CACUL1: variants seen among roughly 807,000 people sequenced by gnomAD.
CACUL1 encodes the protein CDK2 associated cullin domain 1.
In CACUL1, 13 loss-of-function variants were observed where a neutral mutation model predicts 45.2. That is an observed-to-expected ratio of 0.29 (90% CI 0.19 to 0.46). CACUL1 has a LOEUF of 0.46. CACUL1 is among the 20% of genes least tolerant of loss of function. The pLI, the probability that CACUL1 is intolerant of heterozygous loss-of-function variation, is 1.00. For synonymous variants in CACUL1, 197 were observed against 174.2 expected (o/e 1.13, Z -1.03); for missense variants, 421 against 471.4 (o/e 0.89, Z 0.99).
chr10:118,699,838 C>T (rs903639140), intron 5 of CACUL1, among the ~76,000 whole-genome samples: 1 of 151,830 alleles, frequency 6.6e-6, no homozygotes, highest in South Asian at 2.1e-4. Flanking sequence ...TCAGTAGAGA[C>T]GGGGTTTCAC....
At chr10:118,718,652 T>C (rs1845570096) in intron 3 of CACUL1, among the ~76,000 whole-genome samples, 1 of 152,210 alleles carries the variant, frequency 6.6e-6, no homozygotes, top group Non-Finnish European at 1.5e-5. Context: ...CTCGGCTCAC[T>C]GCAAGCTCCA....
At chr10:118,699,611 C>T (rs2119570681) in intron 5 of CACUL1, among the ~76,000 whole-genome samples, 1 of 151,802 alleles carries the variant, frequency 6.6e-6, no homozygotes, top group East Asian at 1.9e-4. Context: ...TCAGGAAATA[C>T]TTAAGTGGTT....
chr10:118,728,145 G>A (rs935262468), intron 3 of CACUL1, among the ~76,000 whole-genome samples: 2 of 151,962 alleles, frequency 1.3e-5, no homozygotes, highest in Admixed American at 6.6e-5. Flanking sequence ...ACAACTGTTT[G>A]GGGAAAAAAA....
rs1432723672 is a variant in CACUL1, at chr10:118,730,304, T to C, written c.474A>G (p.Ile158Met). 6.2e-7 allele frequency: 1 copy of C among 1,614,062 alleles called. No homozygotes were observed. The highest frequency in any genetic ancestry group is 1.1e-5 in the South Asian group (1 of 91,078). ...CTTACCTGTATATCTGTTCATAGGA[T>C]ATGGGGATATAGTCACCAGGACTCT... ...LTQSPGDYIP[I>M]SYEQIYSCVY... Residue 158 changes from isoleucine to methionine, a missense_variant, in exon 2 of 9, where the codon ATA becomes ATG. By Grantham distance (10) the Ile-to-Met change is conservative. This residue lies in a region of CACUL1 where 208 missense variants were observed against 298.4 expected (regional missense o/e 0.70). Transcript: ENST00000369151.
chr10:118,736,961 T>C (rs1022655367), intron 1 of CACUL1, among the ~76,000 whole-genome samples: 2 of 152,148 alleles, frequency 1.3e-5, no homozygotes, highest in African/African-American at 2.4e-5. Flanking sequence ...ATATCTTATA[T>C]AGCTTAAGTG....
chr10:118,726,373 GA>G, intron 3 of CACUL1: 8 of 1,254,830 alleles, frequency 6.4e-6, no homozygotes, highest in Non-Finnish European at 8.3e-6. Context: ...CATTCAGCCA[GA>G]ACACATCTGC....
At chr10:118,693,595 A>G (rs1266241098) in intron 6 of CACUL1, 2 of 353,960 alleles carry the variant, frequency 5.7e-6, no homozygotes, top group Non-Finnish European at 1.1e-5. Flanking sequence ...TTTGTTACGT[A>G]TGATAAAAGC....
intron 6 of CACUL1, among the ~76,000 whole-genome samples, chr10:118,694,102 G>C (rs11198563): frequency 0.042 from 6,363 of 152,240 alleles, 200 homozygotes; most frequent in Non-Finnish European, 0.068. Context: ...CTGACCTCGT[G>C]ATCTGCCCGC....
intron 7 of CACUL1, among the ~76,000 whole-genome samples, chr10:118,690,672 G>T (rs1036052683): frequency 6.6e-6 from 1 of 152,144 alleles, no homozygotes; most frequent in Non-Finnish European, 1.5e-5. Context: ...ATATGCACAG[G>T]ACTAATACAA....
chr10:118,750,658 T>C (rs573441894), intron 1 of CACUL1, among the ~76,000 whole-genome samples: 1 of 152,346 alleles, frequency 6.6e-6, no homozygotes, highest in South Asian at 2.1e-4. Context: ...TCTTCCACTA[T>C]CTGGTCCACA....
chr10:118,700,893 TAGAGA>T (rs1285825033), intron 5 of CACUL1, among the ~76,000 whole-genome samples: 5 of 152,188 alleles, frequency 3.3e-5, no homozygotes, highest in Non-Finnish European at 5.9e-5. Context: ...AGAACCAGAC[TAGAGA>T]AGAGTTTCTG....
In CACUL1 at chr10:118,686,721, A is replaced by C; in HGVS notation, c.1026-80T>G. 5 of 1,010,212 alleles carry C rather than the reference A, an allele frequency of 4.9e-6. No individual in the cohort carries two copies. The South Asian group carries it at 6.4e-5, about 13-fold the overall frequency. 62.6% of individuals were successfully genotyped at this position (1,010,212 alleles called of 1,614,324 possible). On this transcript the variant is annotated intron_variant, in intron 7 of 8. Coordinates refer to ENST00000369151, the MANE Select transcript of CACUL1 (RefSeq NM_153810.5). ...AAGGATCAACATATTTGATAATAAAAGTATAGCAGACATTTCAGTTCTAAC... is the reference window on the plus strand; with the variant it reads ...AAGGATCAACATATTTGATAATAAACGTATAGCAGACATTTCAGTTCTAAC...
chr10:118,737,798 G>A (rs1845754071), intron 1 of CACUL1, among the ~76,000 whole-genome samples: 2 of 151,786 alleles, frequency 1.3e-5, no homozygotes, highest in East Asian at 1.9e-4. Flanking sequence ...ACATCACATA[G>A]GAGCCTGTGA....
chr10:118,713,928 TTGTATC>T lies in CACUL1; in HGVS notation c.598-6347_598-6342del, dbSNP rs1845517162. ...AAAAAGCTTTTTGTTTATATGCAGGTTGTATCTGTAAGTATTTACCATAATAAAAAT... is the reference window on the plus strand; with the variant it reads ...AAAAAGCTTTTTGTTTATATGCAGGTTGTAAGTATTTACCATAATAAAAAT... On this transcript the variant is annotated intron_variant, in intron 3 of 8. Coordinates refer to ENST00000369151, the MANE Select transcript of CACUL1 (RefSeq NM_153810.5). Among the ~76,000 whole-genome samples the T allele has an allele frequency of 3.9e-5, 6 of 152,354 alleles. No homozygotes were observed. In the South Asian group the frequency reaches 1.2e-3, roughly 32 times the overall value.
chr10:118,710,451 T>C (rs1012845301), intron 3 of CACUL1, among the ~76,000 whole-genome samples: 2 of 152,166 alleles, frequency 1.3e-5, no homozygotes, highest in African/African-American at 4.8e-5. Flanking sequence ...AGGGCACAAC[T>C]GTCTACACCT....
At chr10:118,723,175 T>C (rs1322807204) in intron 3 of CACUL1, among the ~76,000 whole-genome samples, 1 of 152,244 alleles carries the variant, frequency 6.6e-6, no homozygotes, top group Non-Finnish European at 1.5e-5. Flanking sequence ...ATCTGTTCTC[T>C]GTACTTTTAA....
At chr10:118,730,478 T>C in intron 1 of CACUL1, 68 bp from the exon 2 acceptor site, 1 of 1,429,308 alleles carries the variant, frequency 7.0e-7, no homozygotes. Context: ...TCACAGCCAT[T>C]TTGCACTCTC....
chr10:118,738,250 C>T (rs754777444), intron 1 of CACUL1, among the ~76,000 whole-genome samples: 3 of 151,994 alleles, frequency 2.0e-5, no homozygotes, highest in Admixed American at 6.5e-5. Context: ...GCAGACTCAA[C>T]GGTAAAAAGA....
rs758127761 is a variant in CACUL1, at chr10:118,754,546, C to T, written c.217G>A (p.Gly73Arg). 6.2e-7 allele frequency: 1 copy of T among 1,612,606 alleles called. No individual in the cohort carries two copies. The highest frequency in any genetic ancestry group is 8.5e-7 in the Non-Finnish European group (1 of 1,179,466). Reference sequence around the variant, plus strand: ...GGTGGCTGCGGCCCCATCGGGAGCCCCTCCTTGGGGCCTTTCCTGTCCACG... The same window carrying T: ...GGTGGCTGCGGCCCCATCGGGAGCCTCTCCTTGGGGCCTTTCCTGTCCACG... Reference protein sequence around the residue: ...VSVDRKGPKEGLPMGPQPPPE... With the variant: ...VSVDRKGPKERLPMGPQPPPE... The change falls in exon 1 of 9, where the codon GGG becomes AGG. Residue 73 changes from glycine to arginine, a missense_variant. Coordinates refer to ENST00000369151, the MANE Select transcript of CACUL1 (RefSeq NM_153810.5).
Sources: allele counts gnomAD v4.1 joint callset (sites outside exome capture counted in the v4.1 genomes callset), GRCh38; gene constraint gnomAD v4.1.1; regional missense constraint gnomAD v4.1.1; transcripts MANE v1.5; gene names NCBI Gene and HGNC (gene_info 2026-07-23, HGNC 2026-07-21).